Variants in DKK4 observed in about 807,000 individuals in gnomAD.
DKK4 encodes the protein dickkopf Wnt signaling pathway inhibitor 4.
In DKK4, 15 loss-of-function variants were observed where a neutral mutation model predicts 14.5. That is an observed-to-expected ratio of 1.03 (90% CI 0.69 to 1.59). The LOEUF (loss-of-function observed/expected upper bound fraction) is 1.59. Among genes scored for constraint, DKK4 ranks in the 40% most tolerant of loss-of-function variants. The pLI is 0.00. For missense variants in DKK4, 272 were observed against 280.3 expected, an observed-to-expected ratio of 0.97 and a Z score of 0.21; for synonymous variants, 89 against 105.2, an observed-to-expected ratio of 0.85 and a Z score of 0.94.
At chr8:42,379,973 A>G (rs1171144138), upstream of DKK4, among the ~76,000 whole-genome samples, 1 of 152,158 alleles carries the variant, frequency 6.6e-6, no homozygotes, top group Non-Finnish European at 1.5e-5. Flanking sequence ...CGTGAGGAGG[A>G]TAAAGCAAGA....
upstream of DKK4, among the ~76,000 whole-genome samples, chr8:42,378,682 C>CA (rs1788757056): frequency 6.6e-6 from 1 of 151,984 alleles, no homozygotes; most frequent in South Asian, 2.1e-4. Context: ...TTCAGGTTAC[C>CA]AAAGGCCCCT....
upstream of DKK4, among the ~76,000 whole-genome samples, chr8:42,379,378 T>TATATATATATAG (rs1166847600): frequency 2.3e-4 from 8 of 34,556 alleles, no homozygotes; most frequent in Non-Finnish European, 3.6e-4. Context: ...TATATATATA[T>TATATATATATAG]AGAGAGAGAG....
At chr8:42,383,503 T>G in the DKK4 span, among the ~76,000 whole-genome samples, 1 of 152,230 alleles carries the variant, frequency 6.6e-6, no homozygotes, top group Non-Finnish European at 1.5e-5. Flanking sequence ...AGCTGTGCAA[T>G]GTGCTGGTGC....
At chr8:42,390,358 CTT>C in the DKK4 span, among the ~76,000 whole-genome samples, 51 of 99,470 alleles carry the variant, frequency 5.1e-4, no homozygotes, top group African/African-American at 1.8e-3. Context: ...CTTTTGCTTC[CTT>C]TTTTTTTTTT....
the DKK4 span, among the ~76,000 whole-genome samples, chr8:42,384,437 C>T: frequency 4.6e-5 from 7 of 152,110 alleles, no homozygotes; most frequent in Non-Finnish European, 1.0e-4. Context: ...GCCACAGTGC[C>T]CAGCTACATC....
upstream of DKK4, among the ~76,000 whole-genome samples, chr8:42,382,219 G>A (rs576827523): frequency 3.9e-4 from 60 of 152,318 alleles, no homozygotes; most frequent in African/African-American, 1.4e-3. Flanking sequence ...CAATTTTGGA[G>A]GAAAGTAGGT....
the DKK4 span, among the ~76,000 whole-genome samples, chr8:42,390,358 CTTTTT>C: frequency 2.0e-5 from 2 of 99,478 alleles, no homozygotes; most frequent in Non-Finnish European, 3.7e-5. Context: ...CTTTTGCTTC[CTTTTT>C]TTTTTTTTTT....
chr8:42,376,421 TAACATA>T (rs1207541504), intron 1 of DKK4, among the ~76,000 whole-genome samples: 9 of 152,214 alleles, frequency 5.9e-5, no homozygotes, highest in Non-Finnish European at 1.2e-4. Context: ...CGATATATAA[TAACATA>T]TACACATACA....
chr8:42,375,504 C>T (rs966863630), intron 2 of DKK4, among the ~76,000 whole-genome samples, 176 bp downstream of exon 2: 10 of 145,294 alleles, frequency 6.9e-5, no homozygotes, highest in African/African-American at 2.3e-4. Context: ...ACAACAAGGG[C>T]GAAACTCCGC....
At chr8:42,379,070 G>A (rs1218291101), upstream of DKK4, among the ~76,000 whole-genome samples, 2 of 151,178 alleles carry the variant, frequency 1.3e-5, no homozygotes, top group Admixed American at 1.3e-4. Flanking sequence ...GGCCAATATG[G>A]TGAAACCCTG....
intron 2 of DKK4, 108 bp downstream of exon 2, chr8:42,375,569 GCAT>G (rs1824540831): frequency 7.7e-7 from 1 of 1,305,526 alleles, no homozygotes; most frequent in African/African-American, 1.5e-5. Flanking sequence ...TTTACTTCAA[GCAT>G]GAATCTAGGA....
intron 2 of DKK4, 45 bp from the exon 3 acceptor site, chr8:42,374,958 G>A (rs1439486057): frequency 2.5e-6 from 4 of 1,598,342 alleles, no homozygotes; most frequent in Non-Finnish European, 3.4e-6. Flanking sequence ...CTTCAAGGGG[G>A]AGAACCACAG....
chr8:42,376,877 A>AC, intron 1 of DKK4, 58 bp downstream of exon 1: 1 of 1,427,838 alleles, frequency 7.0e-7, no homozygotes, highest in Non-Finnish European at 9.8e-7. Context: ...TAAAGCCTAA[A>AC]CAAAACACCC....
At chr8:42,388,460 T>A in the DKK4 span, among the ~76,000 whole-genome samples, 5 of 150,002 alleles carry the variant, frequency 3.3e-5, no homozygotes, top group Non-Finnish European at 7.4e-5. Context: ...GAACTCCTTA[T>A]CTCGGGTGAT....
chr8:42,381,384 A>T (rs1237871820), upstream of DKK4, among the ~76,000 whole-genome samples: 1 of 152,180 alleles, frequency 6.6e-6, no homozygotes, highest in African/African-American at 2.4e-5. Flanking sequence ...TGGAGATATA[A>T]GAGTAGCCAT....
In DKK4 at chr8:42,374,360, C is replaced by T. The variant is rs1263824066; in HGVS notation, c.416-1G>A. 1.2e-6 allele frequency: 2 copies of T among 1,613,232 alleles called. No individual in the cohort carries two copies. The highest frequency in any genetic ancestry group is 1.7e-6 in the Non-Finnish European group (2 of 1,179,908). ...CTCAGACAACTTTCTCCCTCTTGTC[C>T]TGTAACAAGGTTAATGTGGGCTTTA... On this transcript the variant is annotated splice_acceptor_variant, in intron 3 of 3. Transcript: ENST00000220812. LOFTEE classifies it high-confidence loss of function.
At chr8:42,390,605 C>T in the DKK4 span, among the ~76,000 whole-genome samples, 1 of 151,736 alleles carries the variant, frequency 6.6e-6, no homozygotes, top group African/African-American at 2.4e-5. Flanking sequence ...CCTCATGATC[C>T]GCCCGCCTCT....
At chr8:42,378,740 CACAA>C (rs1304997703), upstream of DKK4, among the ~76,000 whole-genome samples, 4 of 151,938 alleles carry the variant, frequency 2.6e-5, no homozygotes, top group African/African-American at 9.7e-5. Flanking sequence ...TGTAACACGG[CACAA>C]ACAGCCACTG....
chr8:42,375,840 G>C lies in DKK4; in HGVS notation c.112-10C>G. ...ACAGGCACTGTGAGCCCTGTGGAGG[G>C]AATCTGTTATCACAAGGCTAGGAAA... On this transcript the variant is annotated splice_polypyrimidine_tract_variant and intron_variant, in intron 1 of 3. Transcript: ENST00000220812. The C allele has an allele frequency of 6.2e-7, 1 of 1,613,398 alleles. No individual in the cohort carries two copies. Among genetic ancestry groups the C allele is most frequent in the African/African-American group, 1.3e-5 (1 of 75,022 alleles).
Sources: allele counts gnomAD v4.1 joint callset (sites outside exome capture counted in the v4.1 genomes callset), GRCh38; gene constraint gnomAD v4.1.1; transcripts MANE v1.5; gene names NCBI Gene and HGNC (gene_info 2026-07-23, HGNC 2026-07-21).